SRPK2: variants seen among roughly 807,000 people sequenced by gnomAD.
SRPK2 encodes SFRS protein kinase 2.
Under a neutral mutation model 90.8 loss-of-function variants are expected in SRPK2, and 21 were observed. That is an observed-to-expected ratio of 0.23 (90% CI 0.16 to 0.33). SRPK2 has a LOEUF of 0.33. SRPK2 is among the 10% of genes least tolerant of loss of function. SRPK2 has a pLI of 1.00. For synonymous variants in SRPK2, 288 were observed against 311.1 expected (o/e 0.93, Z 0.78); for missense variants, 620 against 869.0 (o/e 0.71, Z 3.60).
intron 3 of SRPK2, among the ~76,000 whole-genome samples, chr7:105,198,672 G>A (rs192781109): frequency 6.6e-6 from 1 of 152,060 alleles, no homozygotes; most frequent in Non-Finnish European, 1.5e-5. Flanking sequence ...AAGAATGATA[G>A]AACAGACAGA....
At chr7:105,389,387 T>C, upstream of SRPK2, 1 of 1,248,948 alleles carries the variant, frequency 8.0e-7, no homozygotes, top group Non-Finnish European at 1.0e-6. Context: ...CGCTTCCTCC[T>C]CTCCGGCAGG....
intron 3 of SRPK2, among the ~76,000 whole-genome samples, chr7:105,179,098 G>A (rs906241735): frequency 2.3e-4 from 35 of 152,250 alleles, no homozygotes; most frequent in African/African-American, 8.2e-4. Context: ...AGGTCAGTCC[G>A]TTGATTGAGC....
At chr7:105,212,686 T>C (rs1028920169) in intron 2 of SRPK2, among the ~76,000 whole-genome samples, 6 of 151,930 alleles carry the variant, frequency 3.9e-5, no homozygotes, top group Non-Finnish European at 1.5e-5. Flanking sequence ...GAAATTAGAG[T>C]GTAGAACAGG....
intron 2 of SRPK2, among the ~76,000 whole-genome samples, chr7:105,360,109 ATT>A (rs1818262591): frequency 6.6e-6 from 1 of 152,150 alleles, no homozygotes; most frequent in African/African-American, 2.4e-5. Flanking sequence ...TTCTTGTTGA[ATT>A]GATCCCTTTA....
At chr7:105,364,817 G>A (rs1233520287) in intron 2 of SRPK2, among the ~76,000 whole-genome samples, 1 of 152,118 alleles carries the variant, frequency 6.6e-6, no homozygotes, top group Non-Finnish European at 1.5e-5. Flanking sequence ...GTTCTGGATG[G>A]TCAGGGGCAT....
intron 7 of SRPK2, among the ~76,000 whole-genome samples, chr7:105,157,299 TAAG>T (rs1393775123): frequency 1.3e-5 from 2 of 152,146 alleles, no homozygotes; most frequent in African/African-American, 4.8e-5. Context: ...CCATGACTCT[TAAG>T]AAGAAGGTCT....
chr7:105,264,144 C>A (rs1313803416), intron 2 of SRPK2, among the ~76,000 whole-genome samples: 1 of 152,186 alleles, frequency 6.6e-6, no homozygotes, highest in East Asian at 1.9e-4. Flanking sequence ...AAGAGCAAAT[C>A]AAAGACATCT....
At chr7:105,213,251 C>T (rs147060971) in intron 2 of SRPK2, among the ~76,000 whole-genome samples, 185 of 152,220 alleles carry the variant, frequency 1.2e-3, no homozygotes, top group Middle Eastern at 3.4e-3. Flanking sequence ...GAAAAGTAAC[C>T]GGCTCTAGCT....
At chr7:105,137,493 T>C (rs1303737263) in intron 11 of SRPK2, among the ~76,000 whole-genome samples, 1 of 152,092 alleles carries the variant, frequency 6.6e-6, no homozygotes, top group Non-Finnish European at 1.5e-5. Flanking sequence ...GTGTTAACAG[T>C]AGCCTAGCAA....
At chr7:105,159,131 T>G (rs2129581532) in intron 7 of SRPK2, among the ~76,000 whole-genome samples, 1 of 152,194 alleles carries the variant, frequency 6.6e-6, no homozygotes, top group East Asian at 1.9e-4. Flanking sequence ...TGTAGTGAAC[T>G]TTTCCCTCTC....
intron 3 of SRPK2, among the ~76,000 whole-genome samples, chr7:105,195,693 T>C (rs184371355): frequency 2.0e-5 from 3 of 152,334 alleles, no homozygotes; most frequent in Admixed American, 2.0e-4. Context: ...TCCCTTTCAG[T>C]TTTTTATAAC....
intron 2 of SRPK2, among the ~76,000 whole-genome samples, chr7:105,250,408 A>G (rs1802321203): frequency 2.0e-5 from 1 of 51,020 alleles, no homozygotes; most frequent in African/African-American, 4.6e-5. Flanking sequence ...ACAATGCAAG[A>G]AAAAAAAAAC....
chr7:105,271,559 C>T (rs1487436601), intron 2 of SRPK2, among the ~76,000 whole-genome samples: 1 of 152,182 alleles, frequency 6.6e-6, no homozygotes, highest in East Asian at 1.9e-4. Flanking sequence ...TCCCCACATT[C>T]GTGAAGAATT....
chr7:105,304,827 C>T (rs1241870638), intron 2 of SRPK2, among the ~76,000 whole-genome samples: 1 of 152,184 alleles, frequency 6.6e-6, no homozygotes, highest in African/African-American at 2.4e-5. Context: ...CCCCGGGCTA[C>T]AATCACTGAT....
chr7:105,391,313 C>A (rs929648898), upstream of SRPK2, among the ~76,000 whole-genome samples: 1 of 152,084 alleles, frequency 6.6e-6, no homozygotes, highest in Non-Finnish European at 1.5e-5. Flanking sequence ...TCAAGTGATT[C>A]TCCTGCCTCA....
intron 2 of SRPK2, among the ~76,000 whole-genome samples, chr7:105,303,238 C>G (rs565202827): frequency 1.3e-5 from 2 of 152,116 alleles, no homozygotes; most frequent in Non-Finnish European, 2.9e-5. Context: ...ACCGCATGTT[C>G]TCACTCATAG....
intron 2 of SRPK2, among the ~76,000 whole-genome samples, chr7:105,369,234 C>T (rs570945198): frequency 6.6e-6 from 1 of 151,982 alleles, no homozygotes; most frequent in South Asian, 2.1e-4. Flanking sequence ...GCCACCTCCA[C>T]CTGCTGGGTT....
chr7:105,256,357 G>A (rs917372140), intron 2 of SRPK2, among the ~76,000 whole-genome samples: 5 of 151,972 alleles, frequency 3.3e-5, no homozygotes, highest in East Asian at 1.9e-4. Context: ...ATGTACGTAC[G>A]TATGTATGTA....
chr7:105,180,512 T>G (rs1431783856), intron 3 of SRPK2, among the ~76,000 whole-genome samples: 1 of 152,140 alleles, frequency 6.6e-6, no homozygotes. Context: ...TCCTAACACT[T>G]TGGGGGACCA....
Sources: allele counts gnomAD v4.1 joint callset (sites outside exome capture counted in the v4.1 genomes callset), GRCh38; gene constraint gnomAD v4.1.1; transcripts MANE v1.5; gene names NCBI Gene and HGNC (gene_info 2026-07-23, HGNC 2026-07-21).